Variants in GRIN2B observed in about 807,000 individuals in gnomAD.
GRIN2B encodes the protein glutamate ionotropic receptor NMDA type subunit 2B.
In GRIN2B, 5 loss-of-function variants were observed where a neutral mutation model predicts 114.5. The observed-to-expected ratio is 0.04, with a 90% CI of 0.02 to 0.09. GRIN2B has a LOEUF of 0.09. Ranked by LOEUF, GRIN2B falls within the 10% of genes least tolerant of loss-of-function variation. GRIN2B has a pLI of 1.00. For synonymous variants in GRIN2B, 787 were observed against 745.1 expected (o/e 1.06, Z -0.92); for missense variants, 1,108 against 1,943.5 (o/e 0.57, Z 8.08).
chr12:13,597,546 T>G (rs1377036923), intron 10 of GRIN2B, among the ~76,000 whole-genome samples: 10 of 152,222 alleles, frequency 6.6e-5, no homozygotes, highest in Admixed American at 3.9e-4. Flanking sequence ...CAGTCTTTAG[T>G]TAGCCACAGA....
rs566954165 is a variant in GRIN2B, at chr12:13,684,826, G to A, written c.1011-8967C>T. Among the ~76,000 whole-genome samples, 8 of 152,280 alleles carry A rather than the reference G, an allele frequency of 5.3e-5. No individual in the cohort carries two copies. In the South Asian group the frequency reaches 1.7e-3, roughly 32 times the overall value. On this transcript the variant is annotated intron_variant, in intron 4 of 13. Coordinates refer to ENST00000609686, the MANE Select transcript of GRIN2B (RefSeq NM_000834.5). ...GAGAAAATACCAAGGCAGATCAAAG[G>A]CTAGCTGATCACTGACTACGTTATC...
chr12:13,978,745 G>C (rs900826888), intron 2 of GRIN2B, among the ~76,000 whole-genome samples: 17 of 152,304 alleles, frequency 1.1e-4, no homozygotes, highest in African/African-American at 3.1e-4. Context: ...GGTCAGTGGA[G>C]CAAGGAAAGG....
intron 2 of GRIN2B, among the ~76,000 whole-genome samples, chr12:13,935,806 C>T (rs1867117513): frequency 6.6e-6 from 1 of 152,188 alleles, no homozygotes; most frequent in Non-Finnish European, 1.5e-5. Context: ...AGGCCAGTTT[C>T]CTACTGGAAA....
intron 2 of GRIN2B, among the ~76,000 whole-genome samples, chr12:13,956,265 A>G (rs749068273): frequency 6.6e-6 from 1 of 152,226 alleles, no homozygotes; most frequent in Non-Finnish European, 1.5e-5. Flanking sequence ...AAAGGCCGTG[A>G]GAGATGAACC....
chr12:13,930,365 A>G (rs974199243), intron 2 of GRIN2B, among the ~76,000 whole-genome samples: 1 of 152,182 alleles, frequency 6.6e-6, no homozygotes, highest in East Asian at 1.9e-4. Flanking sequence ...CTTTGAGACT[A>G]TAAGAGAGAA....
chr12:13,740,952 A>G (rs1402711680), intron 4 of GRIN2B, among the ~76,000 whole-genome samples: 3 of 152,198 alleles, frequency 2.0e-5, no homozygotes, highest in African/African-American at 7.2e-5. Context: ...TGTGTCCTGG[A>G]TGCCACTCCC....
At chr12:13,863,423 G>T (rs899572169) in intron 3 of GRIN2B, among the ~76,000 whole-genome samples, 1 of 152,200 alleles carries the variant, frequency 6.6e-6, no homozygotes, top group East Asian at 1.9e-4. Context: ...ATTTTCTTGA[G>T]AGACAAGAGA....
chr12:13,790,842 G>T (rs762640273), intron 3 of GRIN2B, among the ~76,000 whole-genome samples: 1 of 152,198 alleles, frequency 6.6e-6, no homozygotes, highest in Non-Finnish European at 1.5e-5. Flanking sequence ...AAGGAAGGCA[G>T]TTTGGTTTGG....
intron 2 of GRIN2B, among the ~76,000 whole-genome samples, chr12:13,894,703 C>T (rs1438887132): frequency 1.3e-5 from 2 of 151,752 alleles, no homozygotes; most frequent in Non-Finnish European, 2.9e-5. Flanking sequence ...ATATACCAGT[C>T]GATAGACAAA....
intron 4 of GRIN2B, among the ~76,000 whole-genome samples, chr12:13,681,336 G>A (rs1256209740): frequency 6.6e-6 from 1 of 152,148 alleles, no homozygotes; most frequent in African/African-American, 2.4e-5. Context: ...GCTGAGAATA[G>A]GACCCAGGTG....
At chr12:13,894,310 T>A (rs1866317378) in intron 2 of GRIN2B, among the ~76,000 whole-genome samples, 2 of 152,060 alleles carry the variant, frequency 1.3e-5, no homozygotes, top group Admixed American at 6.6e-5. Flanking sequence ...TTTATAATAG[T>A]GAAAAATGGA....
At chr12:13,884,719 T>C (rs1046135095) in intron 2 of GRIN2B, among the ~76,000 whole-genome samples, 3 of 152,192 alleles carry the variant, frequency 2.0e-5, no homozygotes, top group African/African-American at 7.2e-5. Context: ...TTAAATAGGA[T>C]ATTACCTGTA....
chr12:13,555,759 T>C lies in GRIN2B; in HGVS notation c.*7024A>G, dbSNP rs1032354528. The C allele has an allele frequency of 1.3e-5, 2 of 152,044 alleles. No homozygotes were observed. The highest frequency in any genetic ancestry group is 2.4e-5 in the African/African-American group (1 of 41,390). 9.4% of individuals were successfully genotyped at this position (152,044 alleles called of 1,614,324 possible). On this transcript the variant is annotated 3_prime_UTR_variant, in exon 14 of 14. Transcript: ENST00000609686. ...CCTGTTGAAAGACAGGACATGAACA[T>C]GAAAGGAAAATAAAACAAATTTATC...
chr12:13,941,706 C>A (rs1867258056), intron 2 of GRIN2B, among the ~76,000 whole-genome samples: 1 of 152,180 alleles, frequency 6.6e-6, no homozygotes, highest in African/African-American at 2.4e-5. Context: ...CCCAGGGGAC[C>A]ATCACTGCAG....
chr12:13,725,418 C>T (rs1015014996), intron 4 of GRIN2B, among the ~76,000 whole-genome samples: 2 of 152,048 alleles, frequency 1.3e-5, no homozygotes, highest in Non-Finnish European at 2.9e-5. Flanking sequence ...TTCAGCATCA[C>T]AATACATTTG....
At chr12:13,647,830 C>T (rs540899048) in intron 5 of GRIN2B, among the ~76,000 whole-genome samples, 1 of 152,086 alleles carries the variant, frequency 6.6e-6, no homozygotes, top group South Asian at 2.1e-4. Flanking sequence ...GAGGCAGAAG[C>T]CTAGGGCCTA....
At position 13,595,329 on chromosome 12, in the gene GRIN2B, T is replaced by G. The variant is rs1270587180; in HGVS notation, c.2010+13274A>C. On this transcript the variant is annotated intron_variant, in intron 10 of 13. Coordinates refer to ENST00000609686, the MANE Select transcript of GRIN2B (RefSeq NM_000834.5). ...TTGCCTGGTGGATCCTGCCTGCCCT[T>G]GACTACAGGTATTCTGAGGATCGAT... Among the ~76,000 whole-genome samples, 4 of 152,288 alleles carry G rather than the reference T, an allele frequency of 2.6e-5. No homozygotes were observed. In the East Asian group the frequency reaches 7.7e-4, roughly 29 times the overall value.
chr12:13,593,498 G>GA (rs2136444388), intron 10 of GRIN2B, among the ~76,000 whole-genome samples: 1 of 152,324 alleles, frequency 6.6e-6, no homozygotes, highest in East Asian at 1.9e-4. Flanking sequence ...GCCATATGCA[G>GA]AAAGCTGAAA....
At chr12:13,600,715 T>C (rs1805513) in intron 10 of GRIN2B, among the ~76,000 whole-genome samples, 10,442 of 152,242 alleles carry the variant, frequency 0.069, 508 homozygotes, top group South Asian at 0.13. Flanking sequence ...GTGAAAATGA[T>C]ACATCTCACA....
Sources: gnomAD v4.1 joint callset for allele counts (sites outside exome capture counted in the v4.1 genomes callset) on GRCh38, gnomAD v4.1.1 for gene constraint, MANE v1.5 for transcripts, NCBI Gene and HGNC (gene_info 2026-07-23, HGNC 2026-07-21) for gene names.